KPLCE: variants seen among roughly 807,000 people sequenced by gnomAD.
KPLCE encodes protein KPLCE.
At chr1:152,719,752 C>T in the KPLCE span, 1 of 1,551,960 alleles carries the variant, frequency 6.4e-7, no homozygotes, top group Non-Finnish European at 8.7e-7. Context: ...GCCAGAGGAC[C>T]TATGTGAAAT....
the KPLCE span, chr1:152,719,857 C>T: frequency 5.8e-6 from 9 of 1,552,074 alleles, no homozygotes; most frequent in Non-Finnish European, 7.0e-6. Context: ...ACGTGAAGTG[C>T]CCAGCTCCCT....
chr1:152,720,086 C>A, the KPLCE span: 1 of 1,551,724 alleles, frequency 6.4e-7, no homozygotes, highest in Admixed American at 2.0e-5. Flanking sequence ...CTGGATTCAG[C>A]GGCCCCAGAA....
the KPLCE span, chr1:152,720,230 C>G: frequency 6.4e-7 from 1 of 1,551,354 alleles, no homozygotes; most frequent in African/African-American, 1.4e-5. Flanking sequence ...CATGAGGTCC[C>G]GAGGTCCTGC....
At chr1:152,719,638 C>A in the KPLCE span, 1 of 1,551,888 alleles carries the variant, frequency 6.4e-7, no homozygotes, top group Non-Finnish European at 8.7e-7. Flanking sequence ...CATGCCAGAC[C>A]CAAACTGTCT....
At chr1:152,720,197 T>C in the KPLCE span, 3 of 1,551,718 alleles carry the variant, frequency 1.9e-6, no homozygotes, top group Non-Finnish European at 2.6e-6. Context: ...CAGCTCTGGG[T>C]GCTGCTGTTT....
the KPLCE span, chr1:152,719,552 C>G: frequency 6.4e-7 from 1 of 1,551,720 alleles, no homozygotes; most frequent in South Asian, 1.2e-5. Flanking sequence ...GCCACAGTTC[C>G]CTCCATCTTG....
chr1:152,719,671 C>T, the KPLCE span: 4 of 1,552,162 alleles, frequency 2.6e-6, no homozygotes, highest in South Asian at 1.2e-5. Flanking sequence ...CTGCTCCATG[C>T]CCTACTCAAA....
At chr1:152,720,219 C>A in the KPLCE span, 1 of 1,551,574 alleles carries the variant, frequency 6.4e-7, no homozygotes, top group Non-Finnish European at 8.7e-7. Flanking sequence ...GGAATTATCC[C>A]CATGAGGTCC....
At chr1:152,720,189 G>A in the KPLCE span, 3 of 1,551,754 alleles carry the variant, frequency 1.9e-6, no homozygotes, top group East Asian at 2.4e-5. Flanking sequence ...GGATGTGGCA[G>A]CTCTGGGTGC....
the KPLCE span, chr1:152,720,351 C>A: frequency 8.5e-7 from 1 of 1,176,680 alleles, no homozygotes; most frequent in Non-Finnish European, 1.2e-6. Context: ...GGCCCCCTCT[C>A]TGTTAGTGCC....
the KPLCE span, chr1:152,720,217 C>T: frequency 3.9e-6 from 6 of 1,551,466 alleles, no homozygotes; most frequent in Admixed American, 2.0e-5. Context: ...TGGGAATTAT[C>T]CCCATGAGGT....
the KPLCE span, chr1:152,719,613 T>G: frequency 6.4e-7 from 1 of 1,552,084 alleles, no homozygotes; most frequent in Non-Finnish European, 8.7e-7. Flanking sequence ...GGTGCCTCTG[T>G]GAAATGCCCA....
the KPLCE span, chr1:152,720,310 G>A: frequency 2.0e-6 from 3 of 1,467,526 alleles, no homozygotes; most frequent in Admixed American, 2.1e-5. Context: ...GCACTGCCCC[G>A]CTACCCCTTC....
the KPLCE span, chr1:152,719,867 T>A: frequency 6.4e-7 from 1 of 1,552,036 alleles, no homozygotes; most frequent in African/African-American, 1.4e-5. Flanking sequence ...CCCAGCTCCC[T>A]GCCAGATGAC....
chr1:152,720,349 C>T, the KPLCE span: 1 of 1,209,094 alleles, frequency 8.3e-7, no homozygotes, highest in South Asian at 1.5e-5. Context: ...CTGGCCCCCT[C>T]TCTGTTAGTG....
chr1:152,719,820 T>C, the KPLCE span: 1 of 1,551,326 alleles, frequency 6.4e-7, no homozygotes, highest in Non-Finnish European at 8.7e-7. Flanking sequence ...ACAACCTATG[T>C]AAAATGCCCA....
chr1:152,720,317 C>T, the KPLCE span: 1 of 1,440,544 alleles, frequency 6.9e-7, no homozygotes, highest in African/African-American at 1.4e-5. Flanking sequence ...CCCGCTACCC[C>T]TTCTGGAACA....
chr1:152,719,910 A>C, the KPLCE span: 1 of 1,552,142 alleles, frequency 6.4e-7, no homozygotes, highest in African/African-American at 1.4e-5. Context: ...TGCCAGACCC[A>C]GACGTGCTAT....
At chr1:152,720,289 A>G in the KPLCE span, 217 of 1,526,934 alleles carry the variant, frequency 1.4e-4, 1 homozygote, top group African/African-American at 2.9e-3. Context: ...ACGACAGCTC[A>G]ACTCCAGAAT....
Sources: gnomAD v4.1 joint callset for allele counts on GRCh38, gnomAD v4.1.1 for gene constraint, MANE v1.5 for transcripts, NCBI Gene and HGNC (gene_info 2026-07-23, HGNC 2026-07-21) for gene names.